The following ACKR2 variants were observed in gnomAD, a reference collection of about 807,000 sequenced individuals.
The protein encoded by ACKR2 is C-C chemokine receptor D6.
For synonymous variants in ACKR2, 207 were observed against 192.2 expected (o/e 1.08, Z -0.64); for missense variants, 457 against 477.3 (o/e 0.96, Z 0.40).
intron 2 of ACKR2, among the ~76,000 whole-genome samples, chr3:42,832,772 C>T (rs1364841911): frequency 1.3e-5 from 2 of 152,188 alleles, no homozygotes; most frequent in Non-Finnish European, 2.9e-5. Flanking sequence ...TGGCTCACTG[C>T]AGCCTCAACT....
intron 2 of ACKR2, among the ~76,000 whole-genome samples, chr3:42,854,560 A>C (rs2088291265): frequency 6.6e-6 from 1 of 152,158 alleles, no homozygotes. Context: ...CCATTTGCTA[A>C]TCTGAGGCTG....
chr3:42,862,765 T>C (rs2125625718), intron 2 of ACKR2, among the ~76,000 whole-genome samples: 1 of 152,180 alleles, frequency 6.6e-6, no homozygotes, highest in East Asian at 1.9e-4. Flanking sequence ...GGGGAAAGGA[T>C]TCTCTATCTA....
At chr3:42,835,666 T>C (rs1700981410) in intron 2 of ACKR2, 1 of 152,220 alleles carries the variant, frequency 6.6e-6, no homozygotes, top group South Asian at 2.1e-4. Context: ...CTGTATCCCA[T>C]GGCTTCCGGC....
chr3:42,827,146 T>C (rs769432790), intron 2 of ACKR2, among the ~76,000 whole-genome samples: 31 of 152,342 alleles, frequency 2.0e-4, no homozygotes, highest in Middle Eastern at 3.4e-3. Context: ...ACATATTCTC[T>C]GTCCTGGAGA....
chr3:42,856,394 C>T, intron 2 of ACKR2: 1 of 702,840 alleles, frequency 1.4e-6, no homozygotes, highest in Non-Finnish European at 2.6e-6. Context: ...TGAATAGTTC[C>T]ATCAGCCATG....
rs541554327 is a variant in ACKR2 at position 42,865,320 on chromosome 3, A to C, written c.818A>C (p.His273Pro). Residue 273 changes from histidine to proline, a missense_variant, in exon 3 of 3, where the codon CAT becomes CCT. Physicochemically the swap from His to Pro is moderately conservative, Grantham distance 77. Coordinates refer to ENST00000422265, the MANE Select transcript of ACKR2 (RefSeq NM_001296.5). ...CCATACAATCTCACCTTGTTTCTGC[A>C]TACGCTGTTGGACCTGCAAGTATTC... ...WFPYNLTLFL[H>P]TLLDLQVFGN... 161 of 1,614,208 alleles carry C rather than the reference A, an allele frequency of 1.0e-4. No individual in the cohort carries two copies. In the South Asian group the frequency reaches 1.6e-3, roughly 16 times the overall value.
chr3:42,861,172 A>G (rs1249172011), intron 2 of ACKR2, among the ~76,000 whole-genome samples: 2 of 152,208 alleles, frequency 1.3e-5, no homozygotes, highest in Non-Finnish European at 2.9e-5. Context: ...AAAAAATGAT[A>G]AAGAGGATAT....
intron 2 of ACKR2, among the ~76,000 whole-genome samples, chr3:42,849,240 G>A (rs1197102489): frequency 2.6e-5 from 4 of 152,144 alleles, no homozygotes; most frequent in Non-Finnish European, 5.9e-5. Context: ...TGTGGCTCGT[G>A]GCTAGAATCC....
chr3:42,847,883 G>A (rs1701113803), intron 2 of ACKR2, among the ~76,000 whole-genome samples: 1 of 152,130 alleles, frequency 6.6e-6, no homozygotes, highest in Non-Finnish European at 1.5e-5. Flanking sequence ...GCCCTTGTTG[G>A]GAAGATGCCT....
chr3:42,864,599 T>A lies in ACKR2; in HGVS notation c.97T>A (p.Phe33Ile), dbSNP rs748608775. 1.2e-6 allele frequency: 2 copies of A among 1,614,198 alleles called. No homozygotes were observed. The highest frequency in any genetic ancestry group is 1.7e-6 in the Non-Finnish European group (2 of 1,180,038). Reference sequence around the variant, plus strand: ...CTATGACTACCTGGATGAAGTGGCCTTCATGCTCTGCAGGAAGGATGCAGT... The same window carrying A: ...CTATGACTACCTGGATGAAGTGGCCATCATGCTCTGCAGGAAGGATGCAGT... ...YYYDYLDEVA[F>I]MLCRKDAVVS... is the part of the protein sequence containing the mutation. Residue 33 changes from phenylalanine (F) to isoleucine (I), a missense_variant, in exon 3 of 3, where the codon TTC becomes ATC. Physicochemically the swap from Phe to Ile is conservative, Grantham distance 21 (BLOSUM62 0). Coordinates refer to ENST00000422265, the MANE Select transcript of ACKR2 (RefSeq NM_001296.5).
Position 42,865,812 on chromosome 3 carries a change from T to G in ACKR2, c.*155T>G. 1.7e-6 allele frequency: 1 copy of G among 602,390 alleles called. No homozygotes were observed. The highest frequency in any genetic ancestry group is 2.9e-6 in the Non-Finnish European group (1 of 342,092). 37.3% of individuals were successfully genotyped at this position (602,390 alleles called of 1,614,324 possible). Reference sequence around the variant, plus strand: ...TCAGCAGCATTTGCTCGCCCCGCCTTCTTCCTCCACTTTCTTCACTTGCTT... The same window carrying G: ...TCAGCAGCATTTGCTCGCCCCGCCTGCTTCCTCCACTTTCTTCACTTGCTT... On this transcript the variant is annotated 3_prime_UTR_variant, in exon 3 of 3. Transcript: ENST00000422265.
intron 2 of ACKR2, chr3:42,856,598 T>A: frequency 1.8e-6 from 1 of 541,616 alleles, no homozygotes; most frequent in South Asian, 2.6e-5. Flanking sequence ...ATTAAAAGAA[T>A]AAATAATTTA....
intron 2 of ACKR2, among the ~76,000 whole-genome samples, chr3:42,850,335 C>T (rs181597700): frequency 8.5e-5 from 13 of 152,220 alleles, no homozygotes; most frequent in East Asian, 3.9e-4. Flanking sequence ...CGTTCTCTGA[C>T]GCCTGTCTGA....
chr3:42,850,789 T>G (rs969714525), intron 2 of ACKR2, among the ~76,000 whole-genome samples: 1 of 151,960 alleles, frequency 6.6e-6, no homozygotes, highest in Non-Finnish European at 1.5e-5. Flanking sequence ...GGGGAACAGA[T>G]AGTTAAATAG....
chr3:42,857,985 C>T (rs533748893), intron 2 of ACKR2, among the ~76,000 whole-genome samples: 17 of 152,356 alleles, frequency 1.1e-4, no homozygotes, highest in South Asian at 6.2e-4. Flanking sequence ...TCCTCCTCTC[C>T]GGGCAGGGCA....
intron 2 of ACKR2, among the ~76,000 whole-genome samples, chr3:42,839,644 C>T (rs1358879659): frequency 2.6e-5 from 4 of 152,076 alleles, no homozygotes; most frequent in Admixed American, 6.5e-5. Flanking sequence ...TGCTACCATA[C>T]TTAGGGTGGT....
At chr3:42,858,873 A>G (rs1460128503) in intron 2 of ACKR2, among the ~76,000 whole-genome samples, 1 of 152,006 alleles carries the variant, frequency 6.6e-6, no homozygotes, top group East Asian at 1.9e-4. Flanking sequence ...GAACTTTGTG[A>G]AGCATACACA....
intron 2 of ACKR2, among the ~76,000 whole-genome samples, chr3:42,850,043 G>A (rs546053030): frequency 6.6e-6 from 1 of 152,222 alleles, no homozygotes; most frequent in South Asian, 2.1e-4. Flanking sequence ...ATGTACAAAA[G>A]GGGGGAGGTG....
At chr3:42,849,099 C>A (rs1701126271) in intron 2 of ACKR2, among the ~76,000 whole-genome samples, 2 of 152,202 alleles carry the variant, frequency 1.3e-5, no homozygotes, top group South Asian at 4.1e-4. Context: ...AGTGGGACAA[C>A]TGTTGAAATT....
Sources: gnomAD v4.1 joint callset for allele counts (sites outside exome capture counted in the v4.1 genomes callset) on GRCh38, gnomAD v4.1.1 for gene constraint, MANE v1.5 for transcripts, NCBI Gene and HGNC (gene_info 2026-07-23, HGNC 2026-07-21) for gene names.